The following PTPRN2 variants were observed in gnomAD, a reference collection of about 807,000 sequenced individuals.
PTPRN2 encodes the protein receptor-type tyrosine-protein phosphatase N2.
A neutral mutation model predicts 118.8 loss-of-function variants in PTPRN2; 74 were observed. The observed-to-expected ratio is 0.62, with a 90% CI of 0.52 to 0.76. The LOEUF (loss-of-function observed/expected upper bound fraction) is 0.76, where lower values mean the gene tolerates loss of function less well. Among genes scored for constraint, PTPRN2 ranks in the 30% least tolerant of loss-of-function variants. PTPRN2 has a pLI of 0.00. For synonymous variants in PTPRN2, 641 were observed against 608.0 expected (o/e 1.05, Z -0.80); for missense variants, 1,481 against 1,394.4 (o/e 1.06, Z -0.99).
At chr7:158,053,780 C>A (rs1809519037) in intron 11 of PTPRN2, among the ~76,000 whole-genome samples, 1 of 149,980 alleles carries the variant, frequency 6.7e-6, no homozygotes, top group Non-Finnish European at 1.5e-5. Flanking sequence ...CCCAGAAATG[C>A]AGAGACTCCA....
rs6966499 is a variant in PTPRN2 at position 158,193,447 on chromosome 7, G to A, written c.381-952C>T. 8.9e-3 allele frequency among the ~76,000 whole-genome samples: 1,360 copies of A among 152,272 alleles called. 24 individuals are homozygous for A. The highest frequency in any genetic ancestry group is 0.031 in the African/African-American group (1,281 of 41,566). On this transcript the variant is annotated intron_variant, in intron 4 of 22. Coordinates refer to ENST00000389418, the MANE Select transcript of PTPRN2 (RefSeq NM_002847.5). ...CAGGGAGATTCACTGGAAAAGTCGC[G>A]GTAACGCCCAACAGGCCCCGGAGAG...
At chr7:157,928,809 G>C (rs1010398559) in intron 11 of PTPRN2, among the ~76,000 whole-genome samples, 1 of 140,438 alleles carries the variant, frequency 7.1e-6, no homozygotes. Context: ...TAGAGGGCAG[G>C]AGAAAGGGCA....
At chr7:158,330,405 T>C (rs113727046) in intron 2 of PTPRN2, among the ~76,000 whole-genome samples, 2,928 of 12,076 alleles carry the variant, frequency 0.24, 8 homozygotes, top group Middle Eastern at 0.29. Flanking sequence ...AGCTGACACC[T>C]GCAGACGTCA....
chr7:158,333,197 A>G (rs866747895), intron 2 of PTPRN2, among the ~76,000 whole-genome samples: 1 of 110,202 alleles, frequency 9.1e-6, no homozygotes, highest in East Asian at 2.5e-4. Flanking sequence ...CACTCTCACC[A>G]TAAGAGCTGT....
rs529651482 is a variant in PTPRN2, at chr7:157,803,502, C to G, written c.1788+95171G>C. 1.1e-4 allele frequency among the ~76,000 whole-genome samples: 16 copies of G among 152,176 alleles called. 1 individual carries two copies. The highest frequency in any genetic ancestry group is 2.1e-4 in the Non-Finnish European group (14 of 68,034). ...TGCCTTTGGTGTCAGATCCAAGAAA[C>G]CTTTGCCTAGATGAATGTCATCATG... On this transcript the variant is annotated intron_variant, in intron 12 of 22. Transcript: ENST00000389418.
At chr7:158,354,335 G>C (rs1808222773) in intron 2 of PTPRN2, among the ~76,000 whole-genome samples, 2 of 152,092 alleles carry the variant, frequency 1.3e-5, no homozygotes, top group Non-Finnish European at 2.9e-5. Flanking sequence ...GCAGCAGACG[G>C]GACCATGGCC....
rs1223568537 is a variant in PTPRN2 at position 157,861,136 on chromosome 7, A to T, written c.1788+37537T>A. On this transcript the variant is annotated intron_variant, in intron 12 of 22. Transcript: ENST00000389418. The surrounding 1 kb of genome is among the most constrained non-coding windows in gnomAD (Gnocchi z 5.8). ...CACGGGCGCTTTGGGATGTCGGCAG[A>T]GGCACGCATGCCTCCAGGGATGTGC... Among the ~76,000 whole-genome samples the T allele has an allele frequency of 6.6e-6, 1 of 152,210 alleles. No homozygotes were observed. The highest frequency in any genetic ancestry group is 1.5e-5 in the Non-Finnish European group (1 of 68,032).
intron 6 of PTPRN2, among the ~76,000 whole-genome samples, chr7:158,146,904 T>G (rs994396206): frequency 7.2e-5 from 11 of 151,810 alleles, no homozygotes. Context: ...TAAGATCCTG[T>G]GAAGAGACTG....
chr7:158,557,317 G>A (rs1050409623), intron 1 of PTPRN2, among the ~76,000 whole-genome samples: 25 of 139,116 alleles, frequency 1.8e-4, no homozygotes, highest in Admixed American at 1.2e-3. Flanking sequence ...GGTCGCTCCC[G>A]CGCAGGGCAG....
chr7:157,991,611 G>A lies in PTPRN2; in HGVS notation c.1723+89687C>T, dbSNP rs376106244. Among the ~76,000 whole-genome samples the A allele has an allele frequency of 2.6e-5, 4 of 152,316 alleles. No homozygotes were observed. The South Asian group carries it at 8.3e-4, about 32-fold the overall frequency. ...GCGGACCTGTTTCCTGTTAAACCCT[G>A]GAGCTAGCACAGACTTGCAGCCTGC... On this transcript the variant is annotated intron_variant, in intron 11 of 22. Transcript: ENST00000389418.
intron 12 of PTPRN2, among the ~76,000 whole-genome samples, chr7:157,866,692 G>T (rs1388790586): frequency 1.3e-5 from 2 of 152,008 alleles, no homozygotes; most frequent in African/African-American, 4.8e-5. Context: ...GCTCGCCCCA[G>T]TGCTTGCCAC....
chr7:158,064,040 A>T (rs1208464587), intron 11 of PTPRN2, among the ~76,000 whole-genome samples: 1 of 152,202 alleles, frequency 6.6e-6, no homozygotes, highest in Non-Finnish European at 1.5e-5. Context: ...ATGCTCAGTG[A>T]GATACCACAA....
intron 5 of PTPRN2, among the ~76,000 whole-genome samples, chr7:158,175,094 A>G (rs186077826): frequency 6.6e-6 from 1 of 152,316 alleles, no homozygotes; most frequent in East Asian, 1.9e-4. Context: ...GTCTCTGCCC[A>G]TGCTCATCAG....
At chr7:158,417,668 A>C (rs112155267) in intron 2 of PTPRN2, among the ~76,000 whole-genome samples, 3 of 114,794 alleles carry the variant, frequency 2.6e-5, no homozygotes, top group East Asian at 2.8e-4. Flanking sequence ...TCAGTGTCCC[A>C]CTGTGTTAAG....
In PTPRN2 at chr7:158,338,311, G is replaced by C. The variant is rs371895011; in HGVS notation, c.164-21379C>G. ...TGCTGACGTCACTCACACCCACACT[G>C]TCACCATAAGAGCTGACACCCGCAG... On this transcript the variant is annotated intron_variant, in intron 2 of 22. Coordinates refer to ENST00000389418, the MANE Select transcript of PTPRN2 (RefSeq NM_002847.5). 6.8e-3 allele frequency among the ~76,000 whole-genome samples: 88 copies of C among 12,980 alleles called. 1 individual carries two copies. Among genetic ancestry groups the C allele is most frequent in the East Asian group, 0.014 (5 of 358 alleles). The allele number at this position is 12,980 out of a possible 152,430, so 8.5% of individuals were successfully genotyped here.
At chr7:158,194,766 G>C (rs977977397) in intron 4 of PTPRN2, among the ~76,000 whole-genome samples, 6 of 152,240 alleles carry the variant, frequency 3.9e-5, no homozygotes, top group Non-Finnish European at 7.3e-5. Flanking sequence ...CTAGATCCTC[G>C]TTAGGGCAAG....
intron 1 of PTPRN2, among the ~76,000 whole-genome samples, chr7:158,554,423 G>C (rs750179433): frequency 4.6e-5 from 7 of 152,214 alleles, no homozygotes; most frequent in Non-Finnish European, 7.3e-5. Flanking sequence ...TGCTCTGGGA[G>C]GTGAAAAGTG....
At chr7:157,970,915 C>T (rs1802288806) in intron 11 of PTPRN2, among the ~76,000 whole-genome samples, 1 of 152,218 alleles carries the variant, frequency 6.6e-6, no homozygotes, top group Admixed American at 6.5e-5. Flanking sequence ...ACGCACGAGG[C>T]ACCACTCCAT....
Position 157,903,356 on chromosome 7 carries a change from C to T in PTPRN2, c.1724-4619G>A, listed in dbSNP as rs1184446603. On this transcript the variant is annotated intron_variant, in intron 11 of 22. Transcript: ENST00000389418. The surrounding 1 kb of genome is among the most constrained non-coding windows in gnomAD (Gnocchi z 4.2). Reference sequence around the variant, plus strand: ...ACCTGCAAGACGGGAGCAAGCAAGACGGTACCCCAAACCTCAGCATCACCA... The same window carrying T: ...ACCTGCAAGACGGGAGCAAGCAAGATGGTACCCCAAACCTCAGCATCACCA... Among the ~76,000 whole-genome samples the T allele has an allele frequency of 2.0e-5, 3 of 147,524 alleles. No individual in the cohort carries two copies. The highest frequency in any genetic ancestry group is 2.1e-4 in the South Asian group (1 of 4,818).
Sources: gnomAD v4.1 joint callset for allele counts (sites outside exome capture counted in the v4.1 genomes callset) on GRCh38, gnomAD v4.1.1 for gene constraint, Gnocchi (gnomAD v3.1) non-coding constraint, MANE v1.5 for transcripts, NCBI Gene and HGNC (gene_info 2026-07-23, HGNC 2026-07-21) for gene names.